Variants in CSMD1 observed in about 807,000 individuals in gnomAD.
CSMD1 encodes the protein CUB and sushi domain-containing protein 1.
CSMD1 carries 213 observed loss-of-function variants against 417.5 expected under a neutral mutation model. That is an observed-to-expected ratio of 0.51 (90% CI 0.46 to 0.57). The LOEUF (loss-of-function observed/expected upper bound fraction) is 0.57. Among genes scored for constraint, CSMD1 ranks in the 20% least tolerant of loss-of-function variants. The pLI is 0.00. For synonymous variants in CSMD1, 2,862 were observed against 1,736.8 expected (o/e 1.65, Z -16.11); for missense variants, 6,923 against 4,529.7 (o/e 1.53, Z -15.17).
chr8:4,213,032 T>C (rs1325436740), intron 3 of CSMD1, among the ~76,000 whole-genome samples: 2 of 152,100 alleles, frequency 1.3e-5, no homozygotes, highest in African/African-American at 4.8e-5. Context: ...AAAACTGAGT[T>C]ACTAATTTAA....
At chr8:3,500,846 G>A (rs534562860) in intron 10 of CSMD1, among the ~76,000 whole-genome samples, 1 of 152,260 alleles carries the variant, frequency 6.6e-6, no homozygotes, top group East Asian at 1.9e-4. Context: ...CGGAGTAAGT[G>A]GTTCTGCAGA....
At chr8:4,235,298 G>C (rs971979388) in intron 3 of CSMD1, among the ~76,000 whole-genome samples, 1 of 150,208 alleles carries the variant, frequency 6.7e-6, no homozygotes, top group Non-Finnish European at 1.5e-5. Context: ...AAATGCACTG[G>C]AAAAAAAGAA....
At chr8:3,243,495 GA>G (rs1464510004) in intron 26 of CSMD1, among the ~76,000 whole-genome samples, 4 of 151,158 alleles carry the variant, frequency 2.6e-5, no homozygotes, top group Non-Finnish European at 4.4e-5. Context: ...GGCAGGTGTG[GA>G]GGGGGTCACA....
chr8:3,762,467 A>T (rs1798059794), intron 5 of CSMD1, among the ~76,000 whole-genome samples: 1 of 152,208 alleles, frequency 6.6e-6, no homozygotes, highest in African/African-American at 2.4e-5. Context: ...ATGACTTGGT[A>T]TAAGGCACAT....
At chr8:3,610,888 T>A (rs150249038) in intron 8 of CSMD1, among the ~76,000 whole-genome samples, 9 of 152,068 alleles carry the variant, frequency 5.9e-5, no homozygotes, top group Non-Finnish European at 1.0e-4. Context: ...GCCTTTTCCA[T>A]TGACAGTGCA....
chr8:3,689,085 T>A lies in CSMD1; in HGVS notation c.1009+19329A>T, dbSNP rs140318917. 1.8e-4 allele frequency among the ~76,000 whole-genome samples: 28 copies of A among 152,284 alleles called. No homozygotes were observed. The East Asian group carries it at 5.2e-3, about 28-fold the overall frequency. Reference sequence around the variant, plus strand: ...TGTGACTGATACACTTATTCCCAACTCATCATAAAATGAGAAAAATAACAG... The same window carrying A: ...TGTGACTGATACACTTATTCCCAACACATCATAAAATGAGAAAAATAACAG... On this transcript the variant is annotated intron_variant, in intron 7 of 69. Transcript: ENST00000635120.
At chr8:3,900,619 A>T (rs1807681649) in intron 5 of CSMD1, among the ~76,000 whole-genome samples, 1 of 149,600 alleles carries the variant, frequency 6.7e-6, no homozygotes, top group African/African-American at 2.5e-5. Flanking sequence ...GGGTGACACT[A>T]AGTTGGGTAA....
At chr8:3,514,031 T>C (rs942109316) in intron 10 of CSMD1, among the ~76,000 whole-genome samples, 1 of 152,214 alleles carries the variant, frequency 6.6e-6, no homozygotes, top group Non-Finnish European at 1.5e-5. Flanking sequence ...AATTTTCTTA[T>C]AATAGCACAC....
At chr8:4,637,136 A>G (rs1802866382) in intron 2 of CSMD1, among the ~76,000 whole-genome samples, 1 of 152,124 alleles carries the variant, frequency 6.6e-6, no homozygotes, top group Admixed American at 6.5e-5. Context: ...CCTTGCTACC[A>G]CTAACTCTTT....
intron 1 of CSMD1, among the ~76,000 whole-genome samples, chr8:4,933,003 A>C (rs55758159): frequency 6.6e-6 from 1 of 152,066 alleles, no homozygotes; most frequent in Non-Finnish European, 1.5e-5. Flanking sequence ...CTTACAATAA[A>C]CATTTCTCTT....
chr8:3,860,686 C>T (rs914621579), intron 5 of CSMD1, among the ~76,000 whole-genome samples: 7 of 152,168 alleles, frequency 4.6e-5, no homozygotes, highest in Non-Finnish European at 8.8e-5. Flanking sequence ...CTTAAGACCA[C>T]AGAACTTTGT....
At chr8:4,438,407 G>C (rs1050140694) in intron 2 of CSMD1, among the ~76,000 whole-genome samples, 1 of 152,118 alleles carries the variant, frequency 6.6e-6, no homozygotes, top group African/African-American at 2.4e-5. Flanking sequence ...GTTGAAGTTG[G>C]TGGATACTTA....
chr8:3,210,718 A>G (rs909669312), intron 30 of CSMD1, among the ~76,000 whole-genome samples: 1 of 150,226 alleles, frequency 6.7e-6, no homozygotes, highest in African/African-American at 2.4e-5. Context: ...TAAAGTGTAT[A>G]CATATATACT....
intron 54 of CSMD1, among the ~76,000 whole-genome samples, chr8:2,992,501 G>C (rs940033114): frequency 6.6e-6 from 1 of 151,890 alleles, no homozygotes; most frequent in Admixed American, 6.6e-5. Flanking sequence ...TTGGCTCACT[G>C]CAACCTCTGC....
intron 22 of CSMD1, among the ~76,000 whole-genome samples, chr8:3,346,408 T>C (rs1314263465): frequency 1.3e-5 from 2 of 152,334 alleles, no homozygotes; most frequent in East Asian, 1.9e-4. Flanking sequence ...TTTGAGGTTA[T>C]TAAAAAATTC....
At chr8:3,613,407 T>C (rs1391822173) in intron 8 of CSMD1, 1 of 208,500 alleles carries the variant, frequency 4.8e-6, no homozygotes, top group Non-Finnish European at 9.9e-6. Flanking sequence ...TTTCAATTAA[T>C]TTTGAGACCA....
At chr8:4,428,828 C>T (rs1036381052) in intron 2 of CSMD1, among the ~76,000 whole-genome samples, 1 of 152,058 alleles carries the variant, frequency 6.6e-6, no homozygotes, top group Non-Finnish European at 1.5e-5. Context: ...GAAGGATTCT[C>T]CTGCCTCAGC....
At chr8:4,436,102 T>A (rs77721658) in intron 2 of CSMD1, among the ~76,000 whole-genome samples, 4,144 of 152,260 alleles carry the variant, frequency 0.027, 77 homozygotes, top group South Asian at 0.05. Context: ...CATGTCCAAC[T>A]GAGCTAAATA....
chr8:3,300,958 CAAAAAAAAAAAA>C (rs374180480), intron 25 of CSMD1, among the ~76,000 whole-genome samples: 2 of 50,602 alleles, frequency 4.0e-5, no homozygotes, highest in Admixed American at 3.6e-4. Flanking sequence ...GACTCTGTCT[CAAAAAAAAAAAA>C]AAAAAAAAAA....
Sources: allele counts gnomAD v4.1 joint callset (sites outside exome capture counted in the v4.1 genomes callset), GRCh38; gene constraint gnomAD v4.1.1; transcripts MANE v1.5; gene names NCBI Gene and HGNC (gene_info 2026-07-23, HGNC 2026-07-21).